The following ABCA12 variants were observed in gnomAD, a reference collection of about 807,000 sequenced individuals.
The protein encoded by ABCA12 is glucosylceramide transporter ABCA12.
ABCA12 carries 156 observed loss-of-function variants against 293.5 expected under a neutral mutation model. The ratio of observed to expected loss-of-function variants is 0.53; its 90% CI spans 0.47 to 0.61. ABCA12 has a LOEUF of 0.61. Ranked by LOEUF, ABCA12 falls within the 20% of genes least tolerant of loss-of-function variation. The probability of loss-of-function intolerance (pLI) is 0.00; values close to 1 mark genes in which losing one functional copy is unlikely to be tolerated. For missense variants in ABCA12, 2,797 were observed against 3,090.2 expected (o/e 0.91, Z 2.25); for synonymous variants, 1,063 against 1,108.0 (o/e 0.96, Z 0.81).
intron 11 of ABCA12, 73 bp downstream of exon 11, chr2:215,025,600 G>GT (rs5838479): frequency 0.83 from 695,264 of 840,054 alleles, 275,346 homozygotes; most frequent in African/African-American, 0.9. Flanking sequence ...AAGTGTTAAG[G>GT]TTTTTTTTTT....
intron 14 of ABCA12, among the ~76,000 whole-genome samples, chr2:215,016,028 C>T: frequency 6.6e-6 from 1 of 151,598 alleles, no homozygotes; most frequent in Non-Finnish European, 1.5e-5. Context: ...CCTGTAATAC[C>T]AGCTACTCGG....
chr2:214,974,884 A>G lies in ABCA12; in HGVS notation c.5382-20T>C. The G allele has an allele frequency of 6.2e-7, 1 of 1,600,396 alleles. No homozygotes were observed. The highest frequency in any genetic ancestry group is 8.6e-7 in the Non-Finnish European group (1 of 1,167,714). ...TAATTACTGCAATATGAAAGGACAG[A>G]AACAAATTCATGATTTTTCTACTAG... On this transcript the variant is annotated intron_variant, in intron 34 of 52. Transcript: ENST00000272895.
At chr2:215,122,378 C>T (rs73076518) in intron 1 of ABCA12, among the ~76,000 whole-genome samples, 7,304 of 152,218 alleles carry the variant, frequency 0.048, 575 homozygotes, top group African/African-American at 0.17. Context: ...GTGCAGGACC[C>T]AGTTTATTTC....
At position 215,007,838 on chromosome 2, in the gene ABCA12, T is replaced by TA; in HGVS notation, c.2480dup (p.Thr828AsnfsTer18). 6.2e-7 allele frequency: 1 copy of TA among 1,613,956 alleles called. No homozygotes were observed. Among genetic ancestry groups the TA allele is most frequent in the Non-Finnish European group, 8.5e-7 (1 of 1,179,906 alleles). The stretch of plus-strand genomic sequence containing the variant: ...TTAATTCCGCCAGCTGTCTCAGAGT[T>TA]ACATTGGACTTAATGACAAAGAAAC... On this transcript the variant is annotated frameshift_variant, in exon 19 of 53. Transcript: ENST00000272895. LOFTEE classifies it high-confidence loss of function.
chr2:215,069,967 C>T (rs1352770897), intron 2 of ABCA12, among the ~76,000 whole-genome samples: 1 of 152,208 alleles, frequency 6.6e-6, no homozygotes, highest in Non-Finnish European at 1.5e-5. Flanking sequence ...AAATGGGTAG[C>T]TGTAGGAACC....
chr2:215,070,067 T>C (rs778692125), intron 2 of ABCA12, among the ~76,000 whole-genome samples: 3 of 152,224 alleles, frequency 2.0e-5, no homozygotes, highest in Non-Finnish European at 4.4e-5. Context: ...AAGATTCAAA[T>C]TGTATTCCAA....
chr2:215,053,266 A>C (rs1311815789), intron 4 of ABCA12, among the ~76,000 whole-genome samples: 1 of 152,104 alleles, frequency 6.6e-6, no homozygotes, highest in South Asian at 2.1e-4. Context: ...TCATTAAGCC[A>C]GTATATTGAC....
chr2:215,114,120 A>G (rs1379953586), intron 1 of ABCA12, among the ~76,000 whole-genome samples: 1 of 152,104 alleles, frequency 6.6e-6, no homozygotes, highest in African/African-American at 2.4e-5. Context: ...GACTACAGGC[A>G]CATGCCACCA....
intron 2 of ABCA12, among the ~76,000 whole-genome samples, chr2:215,109,519 C>T (rs1702528196): frequency 6.6e-6 from 1 of 152,172 alleles, no homozygotes; most frequent in Non-Finnish European, 1.5e-5. Context: ...TTGTACTGTC[C>T]TACTGATAAA....
chr2:215,091,791 A>T (rs1702152559), intron 2 of ABCA12, among the ~76,000 whole-genome samples: 1 of 152,226 alleles, frequency 6.6e-6, no homozygotes, highest in Non-Finnish European at 1.5e-5. Context: ...TCTCTAGCAC[A>T]CAAGAACTTC....
In ABCA12 at chr2:214,986,583, A is replaced by G. The variant is rs776191796; in HGVS notation, c.4122T>C (p.Thr1374=). The change falls in exon 28 of 53, where the codon ACT becomes ACC. Residue 1374 remains threonine, a synonymous_variant. Transcript: ENST00000272895. ...CAGCTCCATTGGGCCCCAGCAATGA[A>G]GTAATATGCCCTTCATAAAAGTTCA... The part of the protein sequence containing the change: ...LNLNFYEGHI[T]SLLGPNGAGK... The G allele has an allele frequency of 1.2e-6, 2 of 1,614,114 alleles. No individual in the cohort carries two copies. Among genetic ancestry groups the G allele is most frequent in the Non-Finnish European group, 1.7e-6 (2 of 1,180,002 alleles).
chr2:215,134,646 CAGAGAGAG>C (rs71399174), intron 1 of ABCA12, among the ~76,000 whole-genome samples: 2 of 93,262 alleles, frequency 2.1e-5, no homozygotes, highest in African/African-American at 9.6e-5. Flanking sequence ...GAGAGACAAA[CAGAGAGAG>C]AGAGAGAGAG....
intron 44 of ABCA12, among the ~76,000 whole-genome samples, chr2:214,952,884 T>G (rs1439505986): frequency 6.6e-6 from 1 of 152,236 alleles, no homozygotes. Flanking sequence ...TATATTTCTC[T>G]ATCTCTGCTC....
chr2:215,026,175 C>T (rs1378891870), intron 10 of ABCA12, among the ~76,000 whole-genome samples: 1 of 152,042 alleles, frequency 6.6e-6, no homozygotes, highest in African/African-American at 2.4e-5. Flanking sequence ...AAAGTCTGGA[C>T]TTAAATATTT....
chr2:215,100,018 T>C (rs2970960), intron 2 of ABCA12, among the ~76,000 whole-genome samples: 258 of 118,624 alleles, frequency 2.2e-3, no homozygotes, highest in African/African-American at 7.8e-3. Flanking sequence ...CTCTCTCTCT[T>C]TTTTTTTTTT....
At position 214,955,202 on chromosome 2, in the gene ABCA12, C is replaced by T. The variant is rs200758693; in HGVS notation, c.6393G>A (p.Pro2131=). The change falls in exon 43 of 53, where the codon CCG becomes CCA. Residue 2131 remains proline (P), a splice_region_variant and synonymous_variant. Coordinates refer to ENST00000272895, the MANE Select transcript of ABCA12 (RefSeq NM_173076.3). The stretch of plus-strand genomic sequence containing the variant: ...AATTCACTGAAATAAGGGACCTTAC[C>T]GGATCATTAGGCTTTTCCTTGGAAA... ...YFLSKEKPND[P]TLELISETLK... 1.9e-5 allele frequency: 30 copies of T among 1,613,776 alleles called. No homozygotes were observed. Among genetic ancestry groups the T allele is most frequent in the Middle Eastern group, 1.7e-4 (1 of 6,058 alleles).
chr2:214,972,040 C>T (rs1190457050), intron 36 of ABCA12, among the ~76,000 whole-genome samples: 2 of 152,016 alleles, frequency 1.3e-5, no homozygotes, highest in Non-Finnish European at 2.9e-5. Context: ...TTTGGATATG[C>T]TCTTTGTACA....
rs536025310 is a variant in ABCA12 at position 215,116,005 on chromosome 2, A to G, written c.70-4315T>C. Among the ~76,000 whole-genome samples, 14 of 152,304 alleles carry G rather than the reference A, an allele frequency of 9.2e-5. No homozygotes were observed. The East Asian group carries it at 1.9e-3, about 21-fold the overall frequency. ...GATGATAAAAGTAGAAATATCCCCC[A>G]TTAGGGGAGTCAGGCTTCTCACTGT... On this transcript the variant is annotated intron_variant, in intron 1 of 52. Transcript: ENST00000272895.
chr2:214,981,751 C>T (rs1210100357), intron 30 of ABCA12, among the ~76,000 whole-genome samples: 1 of 139,268 alleles, frequency 7.2e-6, no homozygotes, highest in Non-Finnish European at 1.5e-5. Flanking sequence ...ACAGAAAAGT[C>T]GTCAAGCTGG....
Sources: allele counts gnomAD v4.1 joint callset (sites outside exome capture counted in the v4.1 genomes callset), GRCh38; gene constraint gnomAD v4.1.1; transcripts MANE v1.5; gene names NCBI Gene and HGNC (gene_info 2026-07-23, HGNC 2026-07-21).